Variants in DCC observed in about 807,000 individuals in gnomAD.
The protein encoded by DCC is DCC netrin 1 receptor.
Under a neutral mutation model 172.5 loss-of-function variants are expected in DCC, and 58 were observed. That is an observed-to-expected ratio of 0.34 (90% CI 0.27 to 0.42). The LOEUF is 0.42. DCC is among the 10% of genes least tolerant of loss of function. DCC has a pLI of 1.00. For synonymous variants in DCC, 709 were observed against 644.5 expected, an observed-to-expected ratio of 1.10 and a Z score of -1.52; for missense variants, 1,740 against 1,791.0, an observed-to-expected ratio of 0.97 and a Z score of 0.51.
At chr18:52,982,043 C>T (rs2041219649) in intron 5 of DCC, among the ~76,000 whole-genome samples, 1 of 152,014 alleles carries the variant, frequency 6.6e-6, no homozygotes, top group South Asian at 2.1e-4. Flanking sequence ...AAACCAGATG[C>T]TTACATAAAG....
intron 7 of DCC, among the ~76,000 whole-genome samples, chr18:53,136,345 A>G (rs746900953): frequency 6.6e-6 from 1 of 152,032 alleles, no homozygotes; most frequent in Non-Finnish European, 1.5e-5. Context: ...GTGTGTTGTG[A>G]ACAGAGAAAG....
chr18:52,403,119 G>A (rs1986502783), intron 1 of DCC, among the ~76,000 whole-genome samples: 1 of 151,936 alleles, frequency 6.6e-6, no homozygotes, highest in Admixed American at 6.6e-5. Context: ...TTGACTATTT[G>A]TTTTTTTGAG....
chr18:53,207,049 C>T (rs1192827840), intron 10 of DCC, among the ~76,000 whole-genome samples: 1 of 151,912 alleles, frequency 6.6e-6, no homozygotes, highest in Non-Finnish European at 1.5e-5. Flanking sequence ...ATCTGCCTTT[C>T]TATATATTTT....
intron 5 of DCC, among the ~76,000 whole-genome samples, chr18:52,951,140 C>T (rs996943047): frequency 6.6e-6 from 1 of 151,996 alleles, no homozygotes; most frequent in Non-Finnish European, 1.5e-5. Flanking sequence ...AATGCACGGA[C>T]CTTGAGGGTT....
intron 1 of DCC, among the ~76,000 whole-genome samples, chr18:52,724,906 A>T (rs749336310): frequency 4.3e-4 from 66 of 152,346 alleles, no homozygotes; most frequent in Middle Eastern, 6.8e-3. Flanking sequence ...ACCTGTGGGC[A>T]AATAAAACTG....
intron 7 of DCC, among the ~76,000 whole-genome samples, chr18:53,078,120 C>T (rs1202440339): frequency 1.3e-5 from 2 of 151,904 alleles, no homozygotes; most frequent in Non-Finnish European, 2.9e-5. Flanking sequence ...TATCGAGTAC[C>T]CAGAAATATA....
chr18:53,080,860 G>A (rs2042789796), intron 7 of DCC, among the ~76,000 whole-genome samples: 2 of 152,186 alleles, frequency 1.3e-5, no homozygotes, highest in Admixed American at 6.6e-5. Context: ...GAGTGTGACA[G>A]GGCCTTATCA....
At chr18:53,033,505 T>C (rs922229433) in intron 5 of DCC, among the ~76,000 whole-genome samples, 8 of 152,004 alleles carry the variant, frequency 5.3e-5, no homozygotes, top group Non-Finnish European at 1.0e-4. Flanking sequence ...CAGAAGAGAG[T>C]GTCCATGTAT....
At chr18:53,412,729 C>G (rs1910057453) in intron 20 of DCC, among the ~76,000 whole-genome samples, 1 of 152,052 alleles carries the variant, frequency 6.6e-6, no homozygotes, top group Admixed American at 6.6e-5. Flanking sequence ...TCATATTTAG[C>G]CTTTGCAAGG....
intron 7 of DCC, among the ~76,000 whole-genome samples, chr18:53,148,071 C>T (rs570836466): frequency 6.6e-6 from 1 of 152,252 alleles, no homozygotes; most frequent in South Asian, 2.1e-4. Flanking sequence ...AATTAAACTC[C>T]CTAGCATTGA....
At chr18:53,059,465 A>G (rs2042463273) in intron 5 of DCC, among the ~76,000 whole-genome samples, 2 of 152,180 alleles carry the variant, frequency 1.3e-5, no homozygotes, top group Admixed American at 1.3e-4. Context: ...ATTATTTAAA[A>G]GAAAGGCAGA....
intron 15 of DCC, among the ~76,000 whole-genome samples, chr18:53,344,886 G>GAA (rs201958177): frequency 0.012 from 1,541 of 132,598 alleles, 14 homozygotes; most frequent in Middle Eastern, 0.02. Flanking sequence ...CTCTGTCTTG[G>GAA]AAAAAAAAAA....
chr18:53,376,146 C>T (rs1163445146), intron 15 of DCC, among the ~76,000 whole-genome samples: 2 of 152,100 alleles, frequency 1.3e-5, no homozygotes, highest in East Asian at 1.9e-4. Context: ...AATCCCAGCA[C>T]TCTGAGAGGC....
intron 7 of DCC, among the ~76,000 whole-genome samples, chr18:53,102,207 G>A (rs1038855231): frequency 2.6e-5 from 4 of 152,022 alleles, no homozygotes; most frequent in African/African-American, 4.8e-5. Context: ...AAATGTAATC[G>A]CTATAATTAG....
chr18:52,551,240 C>T (rs1447139229), intron 1 of DCC, among the ~76,000 whole-genome samples: 1 of 151,926 alleles, frequency 6.6e-6, no homozygotes, highest in Non-Finnish European at 1.5e-5. Flanking sequence ...ATTGAAATGT[C>T]AGCCCTGTTG....
intron 5 of DCC, among the ~76,000 whole-genome samples, chr18:52,947,387 G>T (rs1312705907): frequency 6.6e-6 from 1 of 152,092 alleles, no homozygotes; most frequent in Non-Finnish European, 1.5e-5. Flanking sequence ...CATCATCTAA[G>T]CAAGACCAGT....
chr18:53,405,693 T>C (rs969467), intron 19 of DCC, among the ~76,000 whole-genome samples: 64,545 of 152,120 alleles, frequency 0.42, 15,479 homozygotes, highest in Non-Finnish European at 0.55. Flanking sequence ...GAATTTGGAC[T>C]GACATTTTCA....
At chr18:53,341,276 C>T (rs1362866342) in intron 15 of DCC, among the ~76,000 whole-genome samples, 2 of 152,126 alleles carry the variant, frequency 1.3e-5, no homozygotes, top group African/African-American at 4.8e-5. Context: ...GTGCTGCAAA[C>T]TCAGAAGGAA....
At chr18:52,501,104 G>A (rs938713805) in intron 1 of DCC, among the ~76,000 whole-genome samples, 13 of 152,140 alleles carry the variant, frequency 8.5e-5, no homozygotes, top group African/African-American at 3.1e-4. Context: ...CTTAGTGAGA[G>A]CATCTTTATT....
Sources: gnomAD v4.1 joint callset for allele counts (sites outside exome capture counted in the v4.1 genomes callset) on GRCh38, gnomAD v4.1.1 for gene constraint, MANE v1.5 for transcripts, NCBI Gene and HGNC (gene_info 2026-07-23, HGNC 2026-07-21) for gene names.